CSMD1: variants seen among roughly 807,000 people sequenced by gnomAD.
The protein encoded by CSMD1 is CUB and Sushi multiple domains 1, also known as CUB and sushi domain-containing protein 1.
A neutral mutation model predicts 417.5 loss-of-function variants in CSMD1; 213 were observed. The ratio of observed to expected loss-of-function variants is 0.51; its 90% CI spans 0.46 to 0.57. CSMD1 has a LOEUF of 0.57. CSMD1 is among the 20% of genes least tolerant of loss of function. CSMD1 has a pLI of 0.00. For synonymous variants in CSMD1, 2,862 were observed against 1,736.8 expected, an observed-to-expected ratio of 1.65 and a Z score of -16.11; for missense variants, 6,923 against 4,529.7, an observed-to-expected ratio of 1.53 and a Z score of -15.17.
chr8:3,579,481 G>A (rs544294522), intron 9 of CSMD1, among the ~76,000 whole-genome samples: 28 of 152,238 alleles, frequency 1.8e-4, no homozygotes, highest in African/African-American at 3.1e-4. Flanking sequence ...TTCAGGAGTC[G>A]CATTAGAAGC....
intron 1 of CSMD1, among the ~76,000 whole-genome samples, chr8:4,813,806 C>T (rs1799047037): frequency 6.6e-6 from 1 of 152,142 alleles, no homozygotes; most frequent in African/African-American, 2.4e-5. Context: ...GGGTTGCCAT[C>T]GAATTTCATC....
At chr8:4,244,354 A>C (rs1029789852) in intron 3 of CSMD1, among the ~76,000 whole-genome samples, 15 of 152,280 alleles carry the variant, frequency 9.9e-5, no homozygotes, top group Non-Finnish European at 2.2e-4. Flanking sequence ...CTGGGATTTT[A>C]ATAGGTAGAA....
chr8:3,367,320 C>T (rs566191335), intron 19 of CSMD1, 73 bp from the exon 20 acceptor site: 36 of 955,702 alleles, frequency 3.8e-5, no homozygotes, highest in African/African-American at 9.9e-5. Context: ...AGAGAGGGAG[C>T]GGGGCAGAGA....
chr8:3,296,888 G>T (rs1428817655), intron 25 of CSMD1, among the ~76,000 whole-genome samples: 3 of 152,174 alleles, frequency 2.0e-5, no homozygotes, highest in Admixed American at 1.3e-4. Flanking sequence ...ATAGATGGAG[G>T]GGTATGTAGG....
At chr8:4,611,105 C>G (rs1801142723) in intron 2 of CSMD1, among the ~76,000 whole-genome samples, 1 of 152,090 alleles carries the variant, frequency 6.6e-6, no homozygotes, top group Non-Finnish European at 1.5e-5. Flanking sequence ...CTACTGCACT[C>G]TTCTCCACAG....
chr8:3,875,405 T>C (rs1045433174), intron 5 of CSMD1, among the ~76,000 whole-genome samples: 13 of 152,114 alleles, frequency 8.5e-5, no homozygotes, highest in Admixed American at 5.2e-4. Context: ...GTCTATGAAG[T>C]TATGGATTGG....
chr8:4,026,031 C>T (rs1036209179), intron 4 of CSMD1, among the ~76,000 whole-genome samples: 1 of 150,156 alleles, frequency 6.7e-6, no homozygotes, highest in African/African-American at 2.4e-5. Context: ...AAAAACTCTT[C>T]AACCAGTTCC....
At chr8:3,623,552 T>G (rs867849755) in intron 7 of CSMD1, among the ~76,000 whole-genome samples, 1 of 152,222 alleles carries the variant, frequency 6.6e-6, no homozygotes, top group Admixed American at 6.5e-5. Flanking sequence ...AAAATTAAGC[T>G]TATGTGTTTG....
chr8:3,395,408 A>C (rs1368726624), intron 17 of CSMD1, among the ~76,000 whole-genome samples: 2 of 152,170 alleles, frequency 1.3e-5, no homozygotes, highest in African/African-American at 4.8e-5. Flanking sequence ...GGCTAATGTT[A>C]AAAATGTATT....
chr8:3,038,966 T>C (rs574774913), intron 50 of CSMD1, among the ~76,000 whole-genome samples: 77 of 152,232 alleles, frequency 5.1e-4, no homozygotes, highest in African/African-American at 1.8e-3. Flanking sequence ...TTAGGTAAAC[T>C]GATAAGAAAT....
At chr8:4,399,118 T>C (rs949102693) in intron 3 of CSMD1, among the ~76,000 whole-genome samples, 2 of 152,196 alleles carry the variant, frequency 1.3e-5, no homozygotes, top group African/African-American at 4.8e-5. Flanking sequence ...TTTAAGAGTT[T>C]TGTGTTTAAA....
intron 21 of CSMD1, among the ~76,000 whole-genome samples, chr8:3,350,678 A>G (rs1808360493): frequency 6.6e-6 from 1 of 152,210 alleles, no homozygotes; most frequent in Admixed American, 6.5e-5. Context: ...TGCAGCTGAT[A>G]TTTGTTATTA....
intron 1 of CSMD1, among the ~76,000 whole-genome samples, chr8:4,789,463 A>G (rs1797579496): frequency 6.6e-6 from 1 of 152,188 alleles, no homozygotes; most frequent in Non-Finnish European, 1.5e-5. Context: ...TAACGCATTT[A>G]AACGCCTGGC....
chr8:4,893,260 T>A (rs111726811), intron 1 of CSMD1, among the ~76,000 whole-genome samples: 1 of 152,146 alleles, frequency 6.6e-6, no homozygotes, highest in Non-Finnish European at 1.5e-5. Flanking sequence ...ATTTTTCCAA[T>A]GTTTCTAACT....
rs1385150295 is a variant in CSMD1, at chr8:3,097,441, G to A, written c.6950-404C>T. ...GAAAAGAAAACTCATATTTATTTTG[G>A]CTTTAAATATACAGTAGGCCCCCTT... On this transcript the variant is annotated intron_variant, in intron 46 of 69. Transcript: ENST00000635120. 2.1e-5 allele frequency among the ~76,000 whole-genome samples: 3 copies of A among 142,758 alleles called. No homozygotes were observed. The East Asian group carries it at 5.9e-4, about 28-fold the overall frequency. The allele number at this position is 142,758 out of a possible 152,430, so 93.7% of individuals were successfully genotyped here. A position where few individuals can be genotyped will look rare whatever the true frequency, so the allele number is the denominator to read the frequency against.
intron 12 of CSMD1, among the ~76,000 whole-genome samples, chr8:3,451,089 C>G (rs571771715): frequency 2.4e-4 from 36 of 152,220 alleles, no homozygotes; most frequent in East Asian, 1.5e-3. Flanking sequence ...TTTTTCACGT[C>G]TCTTTTGGCT....
chr8:3,317,350 T>C lies in CSMD1; in HGVS notation c.3632-8847A>G, dbSNP rs116143109. Among the ~76,000 whole-genome samples the C allele has an allele frequency of 1.8e-3, 281 of 152,336 alleles. 2 individuals carry two copies. Among genetic ancestry groups the C allele is most frequent in the African/African-American group, 6.2e-3 (259 of 41,564 alleles). ...TCCTTATGGAGTTTCACAGGGAAAT[T>C]AGACATCCTAACAAATAGTAATCGC... On this transcript the variant is annotated intron_variant, in intron 23 of 69. Transcript: ENST00000635120.
At chr8:3,589,755 T>G (rs1449910064) in intron 8 of CSMD1, among the ~76,000 whole-genome samples, 3 of 152,184 alleles carry the variant, frequency 2.0e-5, no homozygotes, top group African/African-American at 7.2e-5. Flanking sequence ...TTGAAAGTTG[T>G]CACCATGAAA....
chr8:3,696,072 G>A (rs1055521216), intron 7 of CSMD1, among the ~76,000 whole-genome samples: 1 of 152,076 alleles, frequency 6.6e-6, no homozygotes, highest in Non-Finnish European at 1.5e-5. Context: ...TTTCTTATGG[G>A]GGACAGGGAA....
Sources: allele counts gnomAD v4.1 joint callset (sites outside exome capture counted in the v4.1 genomes callset), GRCh38; gene constraint gnomAD v4.1.1; transcripts MANE v1.5; gene names NCBI Gene and HGNC (gene_info 2026-07-23, HGNC 2026-07-21).